MROH1: variants seen among roughly 807,000 people sequenced by gnomAD.
MROH1 encodes the protein maestro heat like repeat family member 1, also known as maestro heat-like repeat-containing protein family member 1.
MROH1 carries 117 observed loss-of-function variants against 116.5 expected under a neutral mutation model. That is an observed-to-expected ratio of 1.00 (90% confidence interval 0.86 to 1.17). The LOEUF (loss-of-function observed/expected upper bound fraction) is 1.17. MROH1 is among the 50% of genes most tolerant of loss of function. The probability of loss-of-function intolerance (pLI) is 0.00; values close to 1 mark genes in which losing one functional copy is unlikely to be tolerated. For synonymous variants in MROH1, 921 were observed against 583.9 expected (o/e 1.58, Z -8.32); for missense variants, 1,873 against 1,338.5 (o/e 1.40, Z -6.23).
rs1047022708 is a variant in MROH1, at chr8:144,235,916, T to C, written c.1339-2840T>C. Reference sequence around the variant, plus strand: ...TCCCTTTATCACTGACTACTAAATATCTTGTTTATTTCCTAAGAATAAGGA... The same window carrying C: ...TCCCTTTATCACTGACTACTAAATACCTTGTTTATTTCCTAAGAATAAGGA... On this transcript the variant is annotated intron_variant, in intron 14 of 43. Transcript: ENST00000326134. Among the ~76,000 whole-genome samples, 32 of 152,336 alleles carry C rather than the reference T, an allele frequency of 2.1e-4. 1 individual carries two copies. In the East Asian group the frequency reaches 6.2e-3, roughly 29 times the overall value.
intron 33 of MROH1, among the ~76,000 whole-genome samples, chr8:144,253,536 C>T (rs1033629145): frequency 1.6e-4 from 24 of 152,308 alleles, no homozygotes; most frequent in Admixed American, 6.5e-4. Context: ...GGCCTCCTGG[C>T]GCCTCAGCGA....
Position 144,248,824 on chromosome 8 carries a change from T to G in MROH1, c.3121-53T>G, listed in dbSNP as rs1033366488. 18 of 763,462 alleles carry G rather than the reference T, an allele frequency of 2.4e-5. No homozygotes were observed. The African/African-American group carries it at 3.1e-4, about 13-fold the overall frequency. The allele number at this position is 763,462 out of a possible 1,614,324, so 47.3% of individuals were successfully genotyped here. A position where few individuals can be genotyped will look rare whatever the true frequency, so the allele number is the denominator to read the frequency against. On this transcript the variant is annotated intron_variant, in intron 31 of 43. Coordinates refer to ENST00000326134, the MANE Select transcript of MROH1 (RefSeq NM_032450.3). ...CCTGAGACCCGATGCCTAACAGAAG[T>G]GGCGTTGGGGGTGCCCCCCTTCCCT...
At chr8:144,238,679 C>T (rs1226135284) in intron 14 of MROH1, 77 bp from the exon 15 acceptor site, 9 of 736,960 alleles carry the variant, frequency 1.2e-5, no homozygotes, top group South Asian at 4.2e-5. Flanking sequence ...GGGTCTGCCC[C>T]GCTTCCGGGC....
chr8:144,181,969 C>T (rs1382716629), intron 7 of MROH1, among the ~76,000 whole-genome samples: 3 of 152,240 alleles, frequency 2.0e-5, no homozygotes, highest in African/African-American at 7.2e-5. Flanking sequence ...CTGGGCCCTA[C>T]CATGCTGGCA....
intron 7 of MROH1, among the ~76,000 whole-genome samples, chr8:144,183,233 T>A (rs1314732566): frequency 6.6e-6 from 1 of 151,340 alleles, no homozygotes; most frequent in African/African-American, 2.4e-5. Flanking sequence ...TTTTTAAAAA[T>A]TTGCCAGGTA....
At chr8:144,183,620 G>A (rs1269730823) in intron 7 of MROH1, among the ~76,000 whole-genome samples, 1 of 151,508 alleles carries the variant, frequency 6.6e-6, no homozygotes, top group African/African-American at 2.4e-5. Flanking sequence ...ATTTCACATG[G>A]GAGACAAGGC....
At position 144,151,829 on chromosome 8, in the gene MROH1, C is replaced by T. The variant is rs1055463469; in HGVS notation, c.-177+3753C>T. Among the ~76,000 whole-genome samples the T allele has an allele frequency of 2.0e-5, 3 of 152,328 alleles. No homozygotes were observed. In the East Asian group the frequency reaches 5.8e-4, roughly 29 times the overall value. On this transcript the variant is annotated intron_variant, in intron 1 of 43. Coordinates refer to ENST00000326134, the MANE Select transcript of MROH1 (RefSeq NM_032450.3). The stretch of plus-strand genomic sequence containing the variant: ...GCAGCGGGGCACTGAAGAAGCAATT[C>T]GCACCAACGTCACACGCCCTGCGAC...
At chr8:144,251,422 CTTCT>C (rs1480840007) in intron 33 of MROH1, 1 of 152,196 alleles carries the variant, frequency 6.6e-6, no homozygotes, top group Non-Finnish European at 1.5e-5. Context: ...TTTTAAAAAT[CTTCT>C]TTCTTGTCCT....
chr8:144,191,014 A>T, intron 8 of MROH1, 79 bp downstream of exon 8: 5 of 1,487,608 alleles, frequency 3.4e-6, no homozygotes, highest in Non-Finnish European at 4.5e-6. Context: ...TGGCAAATTG[A>T]TCAGAGGGTG....
intron 1 of MROH1, among the ~76,000 whole-genome samples, chr8:144,151,586 A>G (rs1816803856): frequency 6.6e-6 from 1 of 152,192 alleles, no homozygotes; most frequent in Non-Finnish European, 1.5e-5. Flanking sequence ...CCCAGGTGTG[A>G]TCCGACTCTG....
chr8:144,250,108 A>ATCTCATGGGGCTC (rs1842608906), intron 32 of MROH1, 104 bp from the exon 33 acceptor site: 2 of 698,748 alleles, frequency 2.9e-6, no homozygotes, highest in Non-Finnish European at 5.2e-6. Context: ...GGAGCTCTGC[A>ATCTCATGGGGCTC]TCTCATGGGG....
At position 144,261,314 on chromosome 8, in the gene MROH1, A is replaced by G. The variant is rs1163251253; in HGVS notation, c.4805A>G (p.Gln1602Arg). ...GFLVLHSEPR[Q>R]QPQVDLDQLI... ...CTGGTGCTGCACTCGGAGCCCAGGC[A>G]GCAGCCGCAGGTGGACCTGGACCAG... The change falls in exon 43 of 44, where the codon CAG (glutamine) becomes CGG (arginine). Residue 1602 changes from glutamine to arginine, a missense_variant. Coordinates refer to ENST00000326134, the MANE Select transcript of MROH1 (RefSeq NM_032450.3). The G allele has an allele frequency of 7.0e-6, 5 of 715,228 alleles. No individual in the cohort carries two copies. In the East Asian group the frequency reaches 1.3e-4, roughly 19 times the overall value. 44.3% of individuals were successfully genotyped at this position (715,228 alleles called of 1,614,324 possible). A position where few individuals can be genotyped will look rare whatever the true frequency, so the allele number is the denominator to read the frequency against.
chr8:144,230,941 C>CAG, intron 14 of MROH1, among the ~76,000 whole-genome samples: 1 of 140,716 alleles, frequency 7.1e-6, no homozygotes, highest in Middle Eastern at 3.7e-3. Flanking sequence ...TTTTCCTAGG[C>CAG]AGAGGACCCT....
Position 144,213,396 on chromosome 8 carries a change from A to C in MROH1, c.1142-7204A>C, listed in dbSNP as rs763530232. On this transcript the variant is annotated intron_variant, in intron 12 of 43. Coordinates refer to ENST00000326134, the MANE Select transcript of MROH1 (RefSeq NM_032450.3). ...TGGCTGACATTTCCTTGAGTGTCTT[A>C]AGTTATTCCATATTCTTCTGGCAGA... The C allele has an allele frequency of 3.7e-5, 12 of 327,702 alleles. No individual in the cohort carries two copies. The highest frequency in any genetic ancestry group is 6.1e-5 in the Non-Finnish European group (11 of 180,244). The allele number at this position is 327,702 out of a possible 1,614,324, so 20.3% of individuals were successfully genotyped here. A position where few individuals can be genotyped will look rare whatever the true frequency, so the allele number is the denominator to read the frequency against.
intron 35 of MROH1, among the ~76,000 whole-genome samples, chr8:144,255,925 G>A (rs1489722895): frequency 7.2e-5 from 11 of 152,250 alleles, no homozygotes; most frequent in Non-Finnish European, 1.2e-4. Flanking sequence ...CTCCCTCCTC[G>A]CCTCTGCGGG....
intron 1 of MROH1, among the ~76,000 whole-genome samples, chr8:144,152,775 C>T (rs1226514194): frequency 1.3e-5 from 2 of 152,072 alleles, no homozygotes; most frequent in African/African-American, 4.8e-5. Context: ...TCTCCATCTC[C>T]TGACCTTGTG....
chr8:144,172,311 TC>T (rs1157564280), intron 4 of MROH1, among the ~76,000 whole-genome samples: 2 of 152,164 alleles, frequency 1.3e-5, no homozygotes, highest in African/African-American at 4.8e-5. Flanking sequence ...TCTGGAGGCT[TC>T]ATCTACGTAA....
At position 144,261,306 on chromosome 8, in the gene MROH1, G is replaced by T; in HGVS notation, c.4797G>T (p.Glu1599Asp). 5.5e-6 allele frequency: 4 copies of T among 728,660 alleles called. No homozygotes were observed. The highest frequency in any genetic ancestry group is 7.5e-6 in the Non-Finnish European group (3 of 401,162). The allele number at this position is 728,660 out of a possible 1,614,324, so 45.1% of individuals were successfully genotyped here. A position where few individuals can be genotyped will look rare whatever the true frequency, so the allele number is the denominator to read the frequency against. ...LFTGFLVLHS[E>D]PRQQPQVDLD... ...CAGGGTTCCTGGTGCTGCACTCGGA[G>T]CCCAGGCAGCAGCCGCAGGTGGACC... The change falls in exon 43 of 44, where the codon GAG becomes GAT. Residue 1599 changes from glutamate (E) to aspartate (D), a missense_variant. Glu to Asp is a conservative substitution (Grantham distance 45). Transcript: ENST00000326134.
intron 14 of MROH1, among the ~76,000 whole-genome samples, chr8:144,227,760 G>A (rs1838071835): frequency 1.3e-5 from 2 of 152,086 alleles, no homozygotes; most frequent in African/African-American, 4.8e-5. Flanking sequence ...GACCAGCCTG[G>A]GCAACATAGC....
Sources: gnomAD v4.1 joint callset for allele counts (sites outside exome capture counted in the v4.1 genomes callset) on GRCh38, gnomAD v4.1.1 for gene constraint, MANE v1.5 for transcripts, NCBI Gene and HGNC (gene_info 2026-07-23, HGNC 2026-07-21) for gene names.